Variants in OSBPL10 observed in about 807,000 individuals in gnomAD.
The protein encoded by OSBPL10 is oxysterol-binding protein-related protein 10.
OSBPL10 carries 49 observed loss-of-function variants against 81.7 expected under a neutral mutation model. The ratio of observed to expected loss-of-function variants is 0.60; its 90% CI spans 0.48 to 0.76. OSBPL10 has a LOEUF of 0.76. OSBPL10 is among the 30% of genes least tolerant of loss of function. OSBPL10 has a pLI of 0.00. For synonymous variants in OSBPL10, 419 were observed against 383.6 expected (o/e 1.09, Z -1.08); for missense variants, 923 against 987.8 (o/e 0.93, Z 0.88).
At chr3:31,897,999 ACT>A (rs1009510084) in intron 1 of OSBPL10, among the ~76,000 whole-genome samples, 2 of 121,474 alleles carry the variant, frequency 1.6e-5, no homozygotes, top group African/African-American at 3.1e-5. Flanking sequence ...CACAGCGAGA[ACT>A]CTGTCAAAAA....
chr3:31,818,795 G>GA (rs1302917906), intron 4 of OSBPL10, among the ~76,000 whole-genome samples: 13 of 77,226 alleles, frequency 1.7e-4, no homozygotes, highest in Admixed American at 1.4e-3. Flanking sequence ...ACAAGGCAGT[G>GA]ACAGCTGGTC....
intron 7 of OSBPL10, among the ~76,000 whole-genome samples, chr3:31,696,682 A>AC: frequency 6.6e-6 from 1 of 152,140 alleles, no homozygotes; most frequent in East Asian, 1.9e-4. Flanking sequence ...CATCTCCCTG[A>AC]CCCCTCCATG....
At chr3:31,868,485 A>G (rs559193268) in intron 3 of OSBPL10, among the ~76,000 whole-genome samples, 5 of 152,252 alleles carry the variant, frequency 3.3e-5, no homozygotes, top group Admixed American at 6.5e-5. Context: ...TGAGGAAGTG[A>G]TAAGCATCAC....
chr3:31,915,202 G>GA (rs1378970358), intron 1 of OSBPL10, among the ~76,000 whole-genome samples: 27 of 150,720 alleles, frequency 1.8e-4, no homozygotes, highest in South Asian at 6.3e-4. Flanking sequence ...TAACAGGGGG[G>GA]AAAAAAAACC....
At chr3:31,842,910 T>TA (rs1263938960) in intron 3 of OSBPL10, among the ~76,000 whole-genome samples, 5 of 152,216 alleles carry the variant, frequency 3.3e-5, no homozygotes, top group African/African-American at 1.2e-4. Context: ...AATAGAACGC[T>TA]ATCATTTGGG....
At chr3:31,770,578 G>C (rs1698351375) in intron 4 of OSBPL10, among the ~76,000 whole-genome samples, 1 of 152,168 alleles carries the variant, frequency 6.6e-6, no homozygotes, top group Non-Finnish European at 1.5e-5. Context: ...TCTGAGCTCA[G>C]GAGTTCGAGA....
At chr3:31,892,260 GAGA>G (rs1271475028) in intron 1 of OSBPL10, among the ~76,000 whole-genome samples, 2 of 152,116 alleles carry the variant, frequency 1.3e-5, no homozygotes, top group Non-Finnish European at 2.9e-5. Flanking sequence ...TTGGAGCAAA[GAGA>G]AGGAAAGAAT....
intron 4 of OSBPL10, among the ~76,000 whole-genome samples, chr3:31,826,984 G>T (rs1700116558): frequency 1.3e-5 from 2 of 152,126 alleles, no homozygotes; most frequent in African/African-American, 2.4e-5. Context: ...AGTAATAAAG[G>T]TTATCAATAT....
chr3:31,879,215 G>A (rs1056188305), intron 2 of OSBPL10, among the ~76,000 whole-genome samples: 6 of 152,220 alleles, frequency 3.9e-5, no homozygotes, highest in Non-Finnish European at 8.8e-5. Context: ...ACAGTGGATT[G>A]AACAAAACTC....
intron 3 of OSBPL10, among the ~76,000 whole-genome samples, chr3:31,871,808 C>T (rs1464111123): frequency 6.6e-6 from 1 of 152,136 alleles, no homozygotes; most frequent in Non-Finnish European, 1.5e-5. Flanking sequence ...AAGGCTGTAG[C>T]ACTGATTGCA....
At chr3:31,797,518 C>T (rs1186278654) in intron 4 of OSBPL10, among the ~76,000 whole-genome samples, 1 of 152,160 alleles carries the variant, frequency 6.6e-6, no homozygotes, top group Non-Finnish European at 1.5e-5. Flanking sequence ...GCAATCGCCT[C>T]ATGCAAACCG....
chr3:31,987,187 T>C (rs532661544), intron 2 of OSBPL10, among the ~76,000 whole-genome samples: 9 of 152,336 alleles, frequency 5.9e-5, no homozygotes, highest in African/African-American at 9.6e-5. Context: ...TGCATAGTTG[T>C]ATATCATTTT....
At chr3:31,742,319 C>G (rs757137925) in intron 5 of OSBPL10, among the ~76,000 whole-genome samples, 3 of 152,222 alleles carry the variant, frequency 2.0e-5, no homozygotes, top group Admixed American at 6.5e-5. Context: ...ACTTATTTGG[C>G]CCTTTTGGCC....
intron 1 of OSBPL10, among the ~76,000 whole-genome samples, chr3:31,940,651 A>G (rs1279570415): frequency 6.6e-6 from 1 of 151,904 alleles, no homozygotes. Context: ...TCTCATACTG[A>G]AGTTCTTATC....
chr3:31,695,929 G>A (rs1695708565), intron 7 of OSBPL10, among the ~76,000 whole-genome samples: 1 of 152,190 alleles, frequency 6.6e-6, no homozygotes, highest in Non-Finnish European at 1.5e-5. Flanking sequence ...GCCAGGCACT[G>A]CTCTGAATCC....
intron 4 of OSBPL10, among the ~76,000 whole-genome samples, chr3:31,806,578 G>A (rs1301293844): frequency 6.6e-6 from 1 of 152,222 alleles, no homozygotes; most frequent in South Asian, 2.1e-4. Context: ...CCTGCTCCCT[G>A]TGAAGCTTTA....
intron 1 of OSBPL10, among the ~76,000 whole-genome samples, chr3:31,936,612 C>T (rs1186231562): frequency 6.6e-6 from 1 of 152,046 alleles, no homozygotes; most frequent in Non-Finnish European, 1.5e-5. Context: ...ATGACACACA[C>T]AGGTATCTCC....
chr3:32,063,566 T>C (rs2125443429), intron 1 of OSBPL10, among the ~76,000 whole-genome samples: 1 of 92,096 alleles, frequency 1.1e-5, no homozygotes, highest in African/African-American at 2.8e-5. Flanking sequence ...AAGTGACATG[T>C]AGGTGTTTGA....
intron 2 of OSBPL10, among the ~76,000 whole-genome samples, chr3:31,993,514 A>G (rs1356837115): frequency 6.6e-6 from 1 of 152,078 alleles, no homozygotes; most frequent in African/African-American, 2.4e-5. Flanking sequence ...AGACAAGAAA[A>G]CCCTTTTTTA....
Sources: gnomAD v4.1 joint callset for allele counts (sites outside exome capture counted in the v4.1 genomes callset) on GRCh38, gnomAD v4.1.1 for gene constraint, MANE v1.5 for transcripts, NCBI Gene and HGNC (gene_info 2026-07-23, HGNC 2026-07-21) for gene names.